The following KCNMA1 variants were observed in gnomAD, a reference collection of about 807,000 sequenced individuals.
KCNMA1 encodes potassium calcium-activated channel subfamily M alpha 1, also known as Calcium-activated potassium channel subunit alpha-1.
Under a neutral mutation model 140.0 loss-of-function variants are expected in KCNMA1, and 29 were observed. The ratio of observed to expected loss-of-function variants is 0.21; its 90% CI spans 0.15 to 0.28. The LOEUF (loss-of-function observed/expected upper bound fraction) is 0.28. Among genes scored for constraint, KCNMA1 ranks in the 10% least tolerant of loss-of-function variants. The pLI is 1.00. For synonymous variants in KCNMA1, 612 were observed against 611.9 expected (o/e 1.00, Z 0.00); for missense variants, 880 against 1,602.2 (o/e 0.55, Z 7.70).
chr10:77,007,031 A>T (rs1218089688), intron 18 of KCNMA1, among the ~76,000 whole-genome samples: 1 of 152,190 alleles, frequency 6.6e-6, no homozygotes, highest in African/African-American at 2.4e-5. Context: ...AATTTGAAAC[A>T]TCTTCTCCAA....
chr10:77,154,759 C>A (rs1597376614), intron 5 of KCNMA1, among the ~76,000 whole-genome samples: 1 of 152,108 alleles, frequency 6.6e-6, no homozygotes, highest in Non-Finnish European at 1.5e-5. Context: ...AGACATGATC[C>A]CTGCTCACAA....
At chr10:77,305,379 G>T (rs1277055110) in intron 2 of KCNMA1, among the ~76,000 whole-genome samples, 1 of 152,066 alleles carries the variant, frequency 6.6e-6, no homozygotes, top group African/African-American at 2.4e-5. Context: ...TGAGGTTGAG[G>T]GCATGGGTCT....
At chr10:77,366,001 T>C (rs758904100) in intron 2 of KCNMA1, among the ~76,000 whole-genome samples, 1 of 152,176 alleles carries the variant, frequency 6.6e-6, no homozygotes, top group Non-Finnish European at 1.5e-5. Context: ...GAGAAAAGAA[T>C]AAAACTCAGA....
intron 23 of KCNMA1, among the ~76,000 whole-genome samples, chr10:76,931,506 T>C (rs1384958684): frequency 1.3e-5 from 2 of 148,708 alleles, no homozygotes; most frequent in Non-Finnish European, 3.0e-5. Context: ...GACCCAAAAT[T>C]ACTGTTTTAA....
chr10:76,984,888 ATATT>A (rs1483364295), intron 19 of KCNMA1, among the ~76,000 whole-genome samples: 3 of 152,242 alleles, frequency 2.0e-5, no homozygotes, highest in Non-Finnish European at 4.4e-5. Flanking sequence ...ACAGTTTTAG[ATATT>A]TATTTTAGAG....
chr10:77,563,122 G>A (rs1326988601), intron 1 of KCNMA1, among the ~76,000 whole-genome samples: 3 of 151,680 alleles, frequency 2.0e-5, no homozygotes, highest in African/African-American at 7.3e-5. Context: ...CACATGGTAA[G>A]ATTCTTTTTT....
chr10:77,589,233 T>TA (rs1457283813), intron 1 of KCNMA1, among the ~76,000 whole-genome samples: 1 of 152,118 alleles, frequency 6.6e-6, no homozygotes, highest in South Asian at 2.1e-4. Flanking sequence ...AAAGGAAAGA[T>TA]AGAGTAATTT....
intron 2 of KCNMA1, among the ~76,000 whole-genome samples, chr10:77,340,789 C>T (rs2090667265): frequency 6.6e-6 from 1 of 150,880 alleles, no homozygotes; most frequent in African/African-American, 2.4e-5. Flanking sequence ...TGCAGCACAC[C>T]AACACGGCAC....
chr10:77,340,217 T>C (rs1037320159), intron 2 of KCNMA1, among the ~76,000 whole-genome samples: 2 of 152,088 alleles, frequency 1.3e-5, no homozygotes, highest in African/African-American at 4.8e-5. Context: ...AAACAACAGG[T>C]GCTGGAGAGG....
At chr10:77,615,273 A>C (rs888791391) in intron 1 of KCNMA1, among the ~76,000 whole-genome samples, 1 of 152,190 alleles carries the variant, frequency 6.6e-6, no homozygotes, top group Non-Finnish European at 1.5e-5. Flanking sequence ...GAGCAGCCCC[A>C]GGATCACCAG....
At chr10:77,150,300 T>G (rs943189502) in intron 5 of KCNMA1, among the ~76,000 whole-genome samples, 1 of 152,216 alleles carries the variant, frequency 6.6e-6, no homozygotes, top group African/African-American at 2.4e-5. Flanking sequence ...TCTTCCTTCT[T>G]CTTCCATCAA....
chr10:76,914,739 T>A (rs1293196825), intron 24 of KCNMA1, 197 bp downstream of exon 24: 12 of 529,500 alleles, frequency 2.3e-5, no homozygotes, highest in Non-Finnish European at 4.1e-5. Flanking sequence ...TCTATTCATC[T>A]CAGAAGAAAG....
chr10:77,619,623 A>T (rs2090770581), intron 1 of KCNMA1, among the ~76,000 whole-genome samples: 1 of 152,080 alleles, frequency 6.6e-6, no homozygotes, highest in Non-Finnish European at 1.5e-5. Context: ...CACCACATTG[A>T]GCGACCCCTG....
intron 2 of KCNMA1, among the ~76,000 whole-genome samples, chr10:77,279,022 T>G (rs2067538016): frequency 1.3e-5 from 2 of 152,160 alleles, no homozygotes; most frequent in Admixed American, 1.3e-4. Context: ...TTCCACACTT[T>G]TTTTTGTTTT....
intron 1 of KCNMA1, among the ~76,000 whole-genome samples, chr10:77,546,456 G>T (rs1190132049): frequency 6.6e-6 from 1 of 151,816 alleles, no homozygotes; most frequent in Non-Finnish European, 1.5e-5. Flanking sequence ...ACCAGCCAGG[G>T]AGCCCCTCCA....
chr10:77,489,496 C>T (rs28494548), intron 1 of KCNMA1, among the ~76,000 whole-genome samples: 4,746 of 152,076 alleles, frequency 0.031, 272 homozygotes, highest in African/African-American at 0.11. Flanking sequence ...CTACCATACC[C>T]GGCTAATTTT....
intron 14 of KCNMA1, among the ~76,000 whole-genome samples, chr10:77,053,582 C>A (rs1384250718): frequency 6.6e-6 from 1 of 152,172 alleles, no homozygotes; most frequent in Non-Finnish European, 1.5e-5. Flanking sequence ...GCTCCAGGGA[C>A]CTTCCCCGAC....
chr10:77,286,375 T>G (rs1476193564), intron 2 of KCNMA1, among the ~76,000 whole-genome samples: 1 of 152,174 alleles, frequency 6.6e-6, no homozygotes, highest in African/African-American at 2.4e-5. Flanking sequence ...GAAGACATTC[T>G]CTCTGTGTTA....
At chr10:77,453,358 AATAAAT>A (rs1435562494) in intron 1 of KCNMA1, among the ~76,000 whole-genome samples, 1,641 of 98,644 alleles carry the variant, frequency 0.017, 32 homozygotes, top group African/African-American at 0.049. Flanking sequence ...GTAAAAAATA[AATAAAT>A]ATAAATAAAT....
Sources: gnomAD v4.1 joint callset for allele counts (sites outside exome capture counted in the v4.1 genomes callset) on GRCh38, gnomAD v4.1.1 for gene constraint, MANE v1.5 for transcripts, NCBI Gene and HGNC (gene_info 2026-07-23, HGNC 2026-07-21) for gene names.